TRIO: variants seen among roughly 807,000 people sequenced by gnomAD.
The protein encoded by TRIO is trio Rho guanine nucleotide exchange factor.
TRIO carries 58 observed loss-of-function variants against 351.9 expected under a neutral mutation model. That is an observed-to-expected ratio of 0.16 (90% CI 0.13 to 0.21). The LOEUF (loss-of-function observed/expected upper bound fraction) is 0.21, where lower values mean the gene tolerates loss of function less well. Ranked by LOEUF, TRIO falls within the 10% of genes least tolerant of loss-of-function variation. TRIO has a pLI of 1.00. For synonymous variants in TRIO, 1,758 were observed against 1,595.7 expected (o/e 1.10, Z -2.42); for missense variants, 3,201 against 4,027.8 (o/e 0.79, Z 5.56).
chr5:14,273,519 G>T (rs945678791), intron 2 of TRIO, among the ~76,000 whole-genome samples: 2 of 152,208 alleles, frequency 1.3e-5, no homozygotes, highest in Non-Finnish European at 2.9e-5. Flanking sequence ...AAATTCAGAT[G>T]TTGCCAGTGT....
chr5:14,483,421 A>G (rs918301829), intron 46 of TRIO, among the ~76,000 whole-genome samples: 1 of 152,114 alleles, frequency 6.6e-6, no homozygotes, highest in Non-Finnish European at 1.5e-5. Context: ...AGCTGTGCAG[A>G]CCCTGAGGTC....
intron 7 of TRIO, among the ~76,000 whole-genome samples, chr5:14,299,712 G>A (rs1737691618): frequency 6.6e-6 from 1 of 152,190 alleles, no homozygotes; most frequent in Non-Finnish European, 1.5e-5. Context: ...AGGACCAGAA[G>A]CTTGGACATC....
intron 26 of TRIO, 95 bp downstream of exon 26, chr5:14,390,395 T>G: frequency 8.9e-7 from 1 of 1,118,256 alleles, no homozygotes; most frequent in Non-Finnish European, 1.3e-6. Context: ...AGTCACCATC[T>G]TCTGCTCATA....
At chr5:14,294,987 T>A (rs1310252999) in intron 6 of TRIO, among the ~76,000 whole-genome samples, 1 of 152,174 alleles carries the variant, frequency 6.6e-6, no homozygotes, top group Non-Finnish European at 1.5e-5. Flanking sequence ...CTTTTCTAAG[T>A]TAAACTTGTA....
Position 14,495,420 on chromosome 5 carries a change from CA to C in TRIO, c.7881-1456del, listed in dbSNP as rs1469146947. Among the ~76,000 whole-genome samples, 3 of 152,142 alleles carry C rather than the reference CA, an allele frequency of 2.0e-5. No individual in the cohort carries two copies. In the East Asian group the frequency reaches 5.8e-4, roughly 29 times the overall value. On this transcript the variant is annotated intron_variant, in intron 49 of 56. Transcript: ENST00000344204. ...GTTTGAAAGGATTGATTCCAATTTC[CA>C]AAGAAGTTCTACTCTGGGTATAATG...
In TRIO at chr5:14,207,319, CACACACACA is replaced by C. The variant is rs1464834583; in HGVS notation, c.157+63438_157+63446del. 5.4e-3 allele frequency among the ~76,000 whole-genome samples: 84 copies of C among 15,688 alleles called. 24 individuals are homozygous for C. Among genetic ancestry groups the C allele is most frequent in the South Asian group, 0.011 (3 of 284 alleles). 10.3% of individuals were successfully genotyped at this position (15,688 alleles called of 152,430 possible). On this transcript the variant is annotated intron_variant, in intron 1 of 56. Coordinates refer to ENST00000344204, the MANE Select transcript of TRIO (RefSeq NM_007118.4). Reference sequence around the variant, plus strand: ...CAGGTAGCATAGCAAGACTGTCTCTCACACACACACACACACACACACACACACACACAC... The same window carrying C: ...CAGGTAGCATAGCAAGACTGTCTCTCCACACACACACACACACACACACAC...
At chr5:14,392,984 T>C (rs955150657) in intron 27 of TRIO, among the ~76,000 whole-genome samples, 1 of 151,588 alleles carries the variant, frequency 6.6e-6, no homozygotes, top group African/African-American at 2.4e-5. Context: ...GAGGCGGAGC[T>C]TGCAGTGAAC....
chr5:14,426,224 A>G (rs1200567771), intron 34 of TRIO, among the ~76,000 whole-genome samples: 2 of 103,132 alleles, frequency 1.9e-5, no homozygotes, highest in African/African-American at 5.4e-5. Context: ...ATAGACGCAC[A>G]TGTACACACA....
At position 14,488,017 on chromosome 5, in the gene TRIO, C is replaced by T. The variant is rs1358661971; in HGVS notation, c.7389C>T (p.Ser2463=). 6.3e-7 allele frequency: 1 copy of T among 1,590,788 alleles called. No individual in the cohort carries two copies. Among genetic ancestry groups the T allele is most frequent in the Non-Finnish European group, 8.5e-7 (1 of 1,169,972 alleles). Residue 2463 remains serine, a synonymous_variant, in exon 48 of 57, where the codon AGC becomes AGT. Transcript: ENST00000344204. ...CGCCGCTGAACTCGCCGCTCTCCAG[C>T]GCGGTCCCTTCTCTCGGCAAGGAGC... is the stretch of plus-strand genomic sequence containing the variant. ...AASPLNSPLS[S]AVPSLGKEPF... is the part of the protein sequence containing the mutation.
At chr5:14,478,707 CTT>C (rs1170973248) in intron 41 of TRIO, among the ~76,000 whole-genome samples, 2 of 149,436 alleles carry the variant, frequency 1.3e-5, no homozygotes, top group African/African-American at 2.5e-5. Flanking sequence ...AATCCCAACA[CTT>C]TGGGCAGCCA....
intron 21 of TRIO, among the ~76,000 whole-genome samples, chr5:14,387,031 G>C (rs1324522442): frequency 3.9e-5 from 6 of 152,248 alleles, no homozygotes; most frequent in African/African-American, 1.4e-4. Context: ...TGTGGGTCCA[G>C]TTGGGCACAA....
intron 9 of TRIO, among the ~76,000 whole-genome samples, chr5:14,330,050 C>T (rs747360836): frequency 6.6e-6 from 1 of 152,182 alleles, no homozygotes; most frequent in Non-Finnish European, 1.5e-5. Flanking sequence ...CAGGTCAACT[C>T]TAGTTTGTTA....
chr5:14,381,342 A>C, intron 21 of TRIO, 90 bp downstream of exon 21: 1 of 1,461,974 alleles, frequency 6.8e-7, no homozygotes, highest in Non-Finnish European at 9.1e-7. Context: ...GAGATTGGAG[A>C]AAAGGATGAC....
intron 7 of TRIO, among the ~76,000 whole-genome samples, chr5:14,302,423 CAAT>C (rs982446562): frequency 2.6e-5 from 4 of 152,188 alleles, no homozygotes; most frequent in African/African-American, 9.6e-5. Context: ...GTTTGAAAAA[CAAT>C]AATTTAATAA....
chr5:14,490,074 C>T (rs868448985), intron 48 of TRIO, among the ~76,000 whole-genome samples: 2 of 152,156 alleles, frequency 1.3e-5, no homozygotes, highest in African/African-American at 4.8e-5. Flanking sequence ...GTCAGGAGTT[C>T]GAGGCCAGCA....
chr5:14,497,663 A>G lies in TRIO; in HGVS notation c.8020-184A>G, dbSNP rs561941536. On this transcript the variant is annotated intron_variant, in intron 50 of 56. Coordinates refer to ENST00000344204, the MANE Select transcript of TRIO (RefSeq NM_007118.4). The surrounding 1 kb of genome is among the most constrained non-coding windows in gnomAD (Gnocchi z 4.4). Reference sequence around the variant, plus strand: ...TTTGTGTTTGTGGGTAGGAAGAAAAAGACCCACCCAAATTAGTGTGACATG... The same window carrying G: ...TTTGTGTTTGTGGGTAGGAAGAAAAGGACCCACCCAAATTAGTGTGACATG... Among the ~76,000 whole-genome samples, 5 of 152,318 alleles carry G rather than the reference A, an allele frequency of 3.3e-5. No homozygotes were observed. In the East Asian group the frequency reaches 9.6e-4, roughly 29 times the overall value.
In TRIO at chr5:14,359,548, T is replaced by C. The variant is rs1743943428; in HGVS notation, c.2391+17T>C. On this transcript the variant is annotated intron_variant, in intron 13 of 56. Coordinates refer to ENST00000344204, the MANE Select transcript of TRIO (RefSeq NM_007118.4). ...GCCATCGACGTGAGTGTCCCGCGGC[T>C]GGCGCCTGCCTGCCTGTGGGAGCCC... 1 of 1,609,712 alleles carries C rather than the reference T, an allele frequency of 6.2e-7. No individual in the cohort carries two copies. The highest frequency in any genetic ancestry group is 1.3e-5 in the African/African-American group (1 of 74,890).
chr5:14,432,972 G>T (rs188321125), intron 34 of TRIO, among the ~76,000 whole-genome samples: 7 of 152,316 alleles, frequency 4.6e-5, no homozygotes, highest in Admixed American at 3.9e-4. Context: ...CATGTTGGCA[G>T]TCAAGAGTTA....
chr5:14,353,999 C>A (rs181075098), intron 11 of TRIO, among the ~76,000 whole-genome samples: 49 of 152,358 alleles, frequency 3.2e-4, no homozygotes, highest in Non-Finnish European at 5.4e-4. Flanking sequence ...AGCCTGCCCC[C>A]CTTCCTGTAC....
Sources: allele counts gnomAD v4.1 joint callset (sites outside exome capture counted in the v4.1 genomes callset), GRCh38; gene constraint gnomAD v4.1.1; non-coding constraint Gnocchi (gnomAD v3.1); transcripts MANE v1.5; gene names NCBI Gene and HGNC (gene_info 2026-07-23, HGNC 2026-07-21).